Variants in PEDS1 observed in about 807,000 individuals in gnomAD.
PEDS1 encodes the protein plasmanylethanolamine desaturase 1, also known as CarF homolog.
In PEDS1, 14 loss-of-function variants were observed where a neutral mutation model predicts 35.2. The ratio of observed to expected loss-of-function variants is 0.40; its 90% CI spans 0.26 to 0.62. The LOEUF is 0.62. PEDS1 is among the 20% of genes least tolerant of loss of function. The pLI, the probability that PEDS1 is intolerant of heterozygous loss-of-function variation, is 0.44. For synonymous variants in PEDS1, 152 were observed against 152.0 expected, an observed-to-expected ratio of 1.00 and a Z score of 0.00; for missense variants, 260 against 367.8, an observed-to-expected ratio of 0.71 and a Z score of 2.40.
At chr20:50,133,937 C>G (rs1487048741) in intron 2 of PEDS1, among the ~76,000 whole-genome samples, 1 of 152,208 alleles carries the variant, frequency 6.6e-6, no homozygotes, top group African/African-American at 2.4e-5. Context: ...AAACCAGCAC[C>G]CTTTTGTGTC....
In PEDS1 at chr20:50,125,162, G is replaced by A. The variant is rs1324568356; in HGVS notation, c.709C>T (p.Leu237=). The part of the protein sequence containing the change: ...CITTGWLNYP[L]EKIGFWRRLE... ...CGTCGCCAGAAGCCTATCTTCTCCA[G>A]AGGGTAGTTGAGCCAGCCTGCAGTA... is the stretch of plus-strand genomic sequence containing the variant. The change falls in exon 6 of 6, where the codon CTG becomes TTG. Residue 237 remains leucine (L), a synonymous_variant. Coordinates refer to ENST00000371652, the MANE Select transcript of PEDS1 (RefSeq NM_199129.4). 1 of 1,614,028 alleles carries A rather than the reference G, an allele frequency of 6.2e-7. No individual in the cohort carries two copies.
chr20:50,129,655 G>A lies in PEDS1; in HGVS notation c.369C>T (p.Asp123=), dbSNP rs778729235. 20 of 1,614,008 alleles carry A rather than the reference G, an allele frequency of 1.2e-5. No homozygotes were observed. Among genetic ancestry groups the A allele is most frequent in the Non-Finnish European group, 1.7e-5 (20 of 1,180,012 alleles). ...FIRPFREHHI[D]PTAITRHDFI... is the part of the protein sequence containing the mutation. ...AGTCGTGCCGTGTGATAGCTGTCGGGTCAATGTGGTGCTCCCGGAAGGGTC... is the reference window on the plus strand; with the variant it reads ...AGTCGTGCCGTGTGATAGCTGTCGGATCAATGTGGTGCTCCCGGAAGGGTC... Residue 123 remains aspartate (D), a synonymous_variant, in exon 4 of 6, where the codon GAC becomes GAT. Transcript: ENST00000371652. This position sits in a 1 kb window ranked among gnomAD's most constrained non-coding sequence, Gnocchi z 4.2.
rs1452992088 is a variant in PEDS1, at chr20:50,124,393, C to G, written c.*665G>C. 1 of 152,554 alleles carries G rather than the reference C, an allele frequency of 6.6e-6. No individual in the cohort carries two copies. The highest frequency in any genetic ancestry group is 2.4e-5 in the African/African-American group (1 of 41,448). The allele number at this position is 152,554 out of a possible 1,614,324, so 9.5% of individuals were successfully genotyped here. Reference sequence around the variant, plus strand: ...TCCTCTTCCAAATGACCAAGATGCTCTGCAGGGGCTGTGCCCTGTGAAGAC... The same window carrying G: ...TCCTCTTCCAAATGACCAAGATGCTGTGCAGGGGCTGTGCCCTGTGAAGAC... On this transcript the variant is annotated 3_prime_UTR_variant, in exon 6 of 6. Coordinates refer to ENST00000371652, the MANE Select transcript of PEDS1 (RefSeq NM_199129.4).
chr20:50,140,980 G>A (rs2081286408), intron 2 of PEDS1, among the ~76,000 whole-genome samples: 1 of 152,196 alleles, frequency 6.6e-6, no homozygotes, highest in Admixed American at 6.5e-5. Context: ...AGCCTCGAAA[G>A]CCAGAGATTT....
intron 2 of PEDS1, among the ~76,000 whole-genome samples, chr20:50,136,098 TAAAA>T (rs796896597): frequency 6.9e-6 from 1 of 145,568 alleles, no homozygotes; most frequent in Non-Finnish European, 1.5e-5. Context: ...CTACTTTTTT[TAAAA>T]AAAAAAACCT....
chr20:50,139,346 G>A (rs1001066986), intron 2 of PEDS1, among the ~76,000 whole-genome samples: 23 of 152,152 alleles, frequency 1.5e-4, no homozygotes, highest in African/African-American at 4.8e-4. Context: ...TCACGACAAC[G>A]ATGTGCGTGT....
intron 5 of PEDS1, among the ~76,000 whole-genome samples, chr20:50,127,691 C>T (rs1312618538): frequency 6.6e-6 from 1 of 152,182 alleles, no homozygotes; most frequent in Admixed American, 6.5e-5. Context: ...CCCAAAGCAC[C>T]ATGGCATGTG....
intron 2 of PEDS1, among the ~76,000 whole-genome samples, chr20:50,134,789 C>T (rs1601217456): frequency 6.6e-6 from 1 of 152,218 alleles, no homozygotes; most frequent in Non-Finnish European, 1.5e-5. Context: ...ACACAGCTCA[C>T]AGCCTTTTTA....
chr20:50,140,374 C>T (rs2081280015), intron 2 of PEDS1, among the ~76,000 whole-genome samples: 1 of 152,268 alleles, frequency 6.6e-6, no homozygotes, highest in South Asian at 2.1e-4. Flanking sequence ...GGAAACTCAC[C>T]AATGGCTTCT....
rs554612037 is a variant in PEDS1, at chr20:50,125,287, A to G, written c.692-108T>C. 60 of 1,428,292 alleles carry G rather than the reference A, an allele frequency of 4.2e-5. No individual in the cohort carries two copies. In the Admixed American group the frequency reaches 6.5e-4, roughly 16 times the overall value. 88.5% of individuals were successfully genotyped at this position (1,428,292 alleles called of 1,614,324 possible). A position where few individuals can be genotyped will look rare whatever the true frequency, so the allele number is the denominator to read the frequency against. Reference sequence around the variant, plus strand: ...GGAGGGGCCCAATGAGGAGTGAGTCAGTACAGGATAGGACACAGGGACCGG... The same window carrying G: ...GGAGGGGCCCAATGAGGAGTGAGTCGGTACAGGATAGGACACAGGGACCGG... On this transcript the variant is annotated intron_variant, in intron 5 of 5. Transcript: ENST00000371652.
chr20:50,152,052 C>T (rs1367478086), intron 1 of PEDS1, among the ~76,000 whole-genome samples: 1 of 152,122 alleles, frequency 6.6e-6, no homozygotes, highest in African/African-American at 2.4e-5. Flanking sequence ...AGCTGAATAA[C>T]AGAGTCAGGA....
chr20:50,144,756 C>T (rs528212187), intron 1 of PEDS1, among the ~76,000 whole-genome samples: 1 of 152,220 alleles, frequency 6.6e-6, no homozygotes, highest in South Asian at 2.1e-4. Context: ...GAGAGATGTC[C>T]AGGACATCTA....
chr20:50,125,207 G>C, intron 5 of PEDS1, 28 bp from the exon 6 acceptor site: 1 of 1,611,864 alleles, frequency 6.2e-7, no homozygotes, highest in East Asian at 2.2e-5. Flanking sequence ...GCGGGAGTTT[G>C]AATGGGAGAG....
intron 2 of PEDS1, among the ~76,000 whole-genome samples, chr20:50,131,310 T>C (rs559131199): frequency 8.5e-5 from 13 of 152,156 alleles, no homozygotes; most frequent in Non-Finnish European, 1.3e-4. Context: ...AATGTCCTTC[T>C]GGGTTTGGTG....
At chr20:50,140,301 T>C (rs907996918) in intron 2 of PEDS1, among the ~76,000 whole-genome samples, 1 of 152,206 alleles carries the variant, frequency 6.6e-6, no homozygotes, top group Non-Finnish European at 1.5e-5. Flanking sequence ...AGGCGCCTCC[T>C]CCCTGGCTGT....
chr20:50,127,088 T>C (rs1601206401), intron 5 of PEDS1, among the ~76,000 whole-genome samples: 1 of 152,134 alleles, frequency 6.6e-6, no homozygotes, highest in East Asian at 1.9e-4. Context: ...GCACCTACTG[T>C]TCCTGCTGCC....
intron 2 of PEDS1, among the ~76,000 whole-genome samples, chr20:50,138,387 C>T (rs2081257608): frequency 6.6e-6 from 1 of 152,112 alleles, no homozygotes; most frequent in South Asian, 2.1e-4. Context: ...GACTTCGCAC[C>T]CAGGTATGGA....
At position 50,129,472 on chromosome 20, in the gene PEDS1, C is replaced by A; in HGVS notation, c.478+74G>T. The stretch of plus-strand genomic sequence containing the variant: ...TACCATAAGGAGCCAAACACATAAG[C>A]CCCAGAAGGCTCCTGGGGGTCGGCC... On this transcript the variant is annotated intron_variant, in intron 4 of 5. Coordinates refer to ENST00000371652, the MANE Select transcript of PEDS1 (RefSeq NM_199129.4). This position sits in a 1 kb window ranked among gnomAD's most constrained non-coding sequence, Gnocchi z 4.2. 6.3e-7 allele frequency: 1 copy of A among 1,591,344 alleles called. No homozygotes were observed. Among genetic ancestry groups the A allele is most frequent in the East Asian group, 2.3e-5 (1 of 44,382 alleles).
At chr20:50,143,072 A>C (rs2081310728) in intron 2 of PEDS1, among the ~76,000 whole-genome samples, 1 of 152,118 alleles carries the variant, frequency 6.6e-6, no homozygotes, top group Non-Finnish European at 1.5e-5. Context: ...GGGCTCTAGC[A>C]GGATCCAGCT....
Sources: gnomAD v4.1 joint callset for allele counts (sites outside exome capture counted in the v4.1 genomes callset) on GRCh38, gnomAD v4.1.1 for gene constraint, Gnocchi (gnomAD v3.1) non-coding constraint, MANE v1.5 for transcripts, NCBI Gene and HGNC (gene_info 2026-07-23, HGNC 2026-07-21) for gene names.